Variants in MASP1 observed in about 807,000 individuals in gnomAD.
MASP1 encodes mannan-binding lectin serine protease 1.
Under a neutral mutation model 77.1 loss-of-function variants are expected in MASP1, and 59 were observed. That is an observed-to-expected ratio of 0.77 (90% CI 0.62 to 0.95). The LOEUF (loss-of-function observed/expected upper bound fraction) is 0.95. MASP1 is among the 40% of genes least tolerant of loss of function. The pLI is 0.00. For synonymous variants in MASP1, 362 were observed against 354.5 expected (o/e 1.02, Z -0.24); for missense variants, 885 against 912.9 (o/e 0.97, Z 0.39).
At chr3:187,225,576 C>T in intron 12 of MASP1, 1 of 1,534,558 alleles carries the variant, frequency 6.5e-7, no homozygotes. Flanking sequence ...TGTTCCCTGT[C>T]AGCCCCCGCC....
chr3:187,285,941 G>T lies in MASP1; in HGVS notation c.121C>A (p.Pro41Thr). 6.2e-7 allele frequency: 1 copy of T among 1,614,120 alleles called. No individual in the cohort carries two copies. The highest frequency in any genetic ancestry group is 8.5e-7 in the Non-Finnish European group (1 of 1,179,958). Residue 41 changes from proline (P) to threonine (T), a missense_variant, in exon 2 of 11, where the codon CCC (proline) becomes ACC (threonine). Pro to Thr is a conservative substitution (Grantham distance 38). Coordinates refer to ENST00000296280, the MANE Select transcript of MASP1 (RefSeq NM_139125.4). ...IQSPGYPDSY[P>T]SDSEVTWNIT... The stretch of plus-strand genomic sequence containing the variant: ...TTCCAAGTCACCTCTGAATCACTGG[G>T]ATAGGAGTCTGGATAACCAGGCGAC...
At chr3:187,240,595 G>C (rs1713553729) in intron 10 of MASP1, among the ~76,000 whole-genome samples, 1 of 152,070 alleles carries the variant, frequency 6.6e-6, no homozygotes, top group Admixed American at 6.5e-5. Flanking sequence ...GACTTGAATA[G>C]CTATACATGT....
chr3:187,282,295 A>G (rs850300), intron 2 of MASP1, among the ~76,000 whole-genome samples: 151,673 of 152,080 alleles, frequency 1, 75,635 homozygotes, highest in Middle Eastern at 1. Flanking sequence ...TCAGGAGGTC[A>G]AGACCATCCT....
rs1717833274 is a variant in MASP1, at chr3:187,286,065, C to T, written c.6-9G>A. ...AATAGAGAAGCAGCCACCTGAAAGA[C>T]ATGAATGTAGGTCTACTTACATTTA... On this transcript the variant is annotated splice_polypyrimidine_tract_variant and intron_variant, in intron 1 of 10. Transcript: ENST00000296280. The T allele has an allele frequency of 1.2e-6, 2 of 1,606,786 alleles. No homozygotes were observed. The highest frequency in any genetic ancestry group is 8.5e-7 in the Non-Finnish European group (1 of 1,173,518).
chr3:187,235,065 TA>T lies in MASP1; in HGVS notation c.*618del. The T allele has an allele frequency of 1.6e-6, 2 of 1,287,274 alleles. No individual in the cohort carries two copies. Among genetic ancestry groups the T allele is most frequent in the Non-Finnish European group, 2.0e-6 (2 of 988,716 alleles). 79.7% of individuals were successfully genotyped at this position (1,287,274 alleles called of 1,614,324 possible). On this transcript the variant is annotated 3_prime_UTR_variant, in exon 11 of 11. Transcript: ENST00000296280. ...TTCCTTTAATGGGGAACATAAGGGA[TA>T]AGGCTTAGACTGCAAGAAGCTTTTG...
intron 12 of MASP1, among the ~76,000 whole-genome samples, chr3:187,226,046 C>A (rs1467861062): frequency 1.3e-5 from 2 of 152,154 alleles, no homozygotes; most frequent in African/African-American, 4.8e-5. Context: ...ATGTGTGGAC[C>A]TGAATTGAAT....
chr3:187,225,570 C>T, intron 12 of MASP1: 1 of 1,553,012 alleles, frequency 6.4e-7, no homozygotes, highest in South Asian at 1.1e-5. Flanking sequence ...ACACCTTGTT[C>T]CCTGTCAGCC....
intron 2 of MASP1, among the ~76,000 whole-genome samples, chr3:187,278,667 T>C (rs1353146438): frequency 6.6e-6 from 1 of 152,214 alleles, no homozygotes. Context: ...AGCCAATAAG[T>C]TGTCATAACT....
chr3:187,264,353 C>A (rs553328978), intron 2 of MASP1, among the ~76,000 whole-genome samples: 4 of 152,288 alleles, frequency 2.6e-5, no homozygotes, highest in African/African-American at 9.6e-5. Flanking sequence ...CCTATCTGCA[C>A]ACAGCTGAAA....
chr3:187,250,368 GT>G, intron 7 of MASP1, 39 bp from the exon 8 acceptor site: 1 of 1,471,816 alleles, frequency 6.8e-7, no homozygotes, highest in South Asian at 1.1e-5. Flanking sequence ...GAAGAAGGAG[GT>G]GGGGGTGGTG....
intron 4 of MASP1, among the ~76,000 whole-genome samples, chr3:187,259,058 G>A (rs1168335992): frequency 3.9e-5 from 6 of 152,240 alleles, no homozygotes; most frequent in South Asian, 4.1e-4. Flanking sequence ...ATTCTGCTTC[G>A]TTCCCCACTG....
At chr3:187,275,282 G>C (rs1464394806) in intron 2 of MASP1, among the ~76,000 whole-genome samples, 6 of 152,228 alleles carry the variant, frequency 3.9e-5, no homozygotes, top group Admixed American at 3.9e-4. Flanking sequence ...TGAGTGGACA[G>C]AAGGGGCCGC....
chr3:187,249,551 G>A (rs547395647), intron 8 of MASP1, among the ~76,000 whole-genome samples: 4 of 152,298 alleles, frequency 2.6e-5, no homozygotes, highest in African/African-American at 9.6e-5. Context: ...TGGTGGTGAG[G>A]TGAAGGGGTT....
rs190176514 is a variant in MASP1, at chr3:187,291,190, G to T, written c.5+438C>A. The T allele has an allele frequency of 2.1e-3, 446 of 215,068 alleles. 1 individual carries two copies. Among genetic ancestry groups the T allele is most frequent in the African/African-American group, 9.6e-3 (425 of 44,240 alleles). 13.3% of individuals were successfully genotyped at this position (215,068 alleles called of 1,614,324 possible). On this transcript the variant is annotated intron_variant, in intron 1 of 10. Transcript: ENST00000296280. ...AAACCACAGAGCCAAGCTATGGGAA[G>T]CTGGTTTCTTTTCTGGTCAGAAGGA... is the stretch of plus-strand genomic sequence containing the variant.
intron 11 of MASP1, among the ~76,000 whole-genome samples, chr3:187,228,639 T>A (rs1400751982): frequency 6.6e-6 from 1 of 152,154 alleles, no homozygotes; most frequent in Non-Finnish European, 1.5e-5. Flanking sequence ...GTCCTCTCCA[T>A]TGTTGTCTTT....
chr3:187,276,755 G>T (rs1209577829), intron 2 of MASP1: 1 of 152,170 alleles, frequency 6.6e-6, no homozygotes, highest in East Asian at 1.9e-4. Context: ...TTGGTGTTTG[G>T]GTCCTGGTGT....
chr3:187,261,146 C>T (rs967081154), intron 3 of MASP1, among the ~76,000 whole-genome samples: 1 of 152,184 alleles, frequency 6.6e-6, no homozygotes, highest in Non-Finnish European at 1.5e-5. Flanking sequence ...TATCCTCTAA[C>T]AGTTATAATA....
intron 2 of MASP1, among the ~76,000 whole-genome samples, chr3:187,275,769 C>T (rs1210084552): frequency 6.6e-6 from 1 of 151,276 alleles, no homozygotes; most frequent in Non-Finnish European, 1.5e-5. Context: ...ATCTCTTTGC[C>T]CCCATTCCCT....
In MASP1 at chr3:187,235,102, C is replaced by T. The variant is rs1377618316; in HGVS notation, c.*582G>A. ...TGCAAGAAGCTTTTGGGAGAGAAAC[C>T]CCAGGCATGAAGGTGCTCCAAGGGA... On this transcript the variant is annotated 3_prime_UTR_variant, in exon 11 of 11. Transcript: ENST00000296280. 7.8e-7 allele frequency: 1 copy of T among 1,287,270 alleles called. No homozygotes were observed. Among genetic ancestry groups the T allele is most frequent in the South Asian group, 1.2e-5 (1 of 80,928 alleles). The allele number at this position is 1,287,270 out of a possible 1,614,324, so 79.7% of individuals were successfully genotyped here.
Sources: allele counts gnomAD v4.1 joint callset (sites outside exome capture counted in the v4.1 genomes callset), GRCh38; gene constraint gnomAD v4.1.1; transcripts MANE v1.5; gene names NCBI Gene and HGNC (gene_info 2026-07-23, HGNC 2026-07-21).